The following UBE2H variants were observed in gnomAD, a reference collection of about 807,000 sequenced individuals.
UBE2H encodes ubiquitin conjugating enzyme E2 H.
UBE2H carries 3 observed loss-of-function variants against 29.0 expected under a neutral mutation model. The observed-to-expected ratio is 0.10, with a 90% CI of 0.05 to 0.27. The LOEUF (loss-of-function observed/expected upper bound fraction) is 0.27, where lower values mean the gene tolerates loss of function less well. Ranked by LOEUF, UBE2H falls within the 10% of genes least tolerant of loss-of-function variation. The probability of loss-of-function intolerance (pLI) is 1.00; values close to 1 mark genes in which losing one functional copy is unlikely to be tolerated. For synonymous variants in UBE2H, 69 were observed against 82.9 expected, an observed-to-expected ratio of 0.83 and a Z score of 0.91; for missense variants, 68 against 228.2, an observed-to-expected ratio of 0.30 and a Z score of 4.52.
intron 1 of UBE2H, among the ~76,000 whole-genome samples, chr7:129,942,382 G>A (rs1455740131): frequency 6.6e-6 from 1 of 152,106 alleles, no homozygotes; most frequent in Non-Finnish European, 1.5e-5. Context: ...AGCTACTCAG[G>A]AGGCTGAGGC....
chr7:129,867,724 C>CAAAAAAAAAAAAAA (rs1473451530), intron 3 of UBE2H, among the ~76,000 whole-genome samples: 24 of 31,204 alleles, frequency 7.7e-4, no homozygotes, highest in Non-Finnish European at 9.3e-4. Flanking sequence ...AAAAGAAAAC[C>CAAAAAAAAAAAAAA]AAAAAAAAAA....
intron 5 of UBE2H, among the ~76,000 whole-genome samples, chr7:129,844,888 G>T (rs932565741): frequency 1.3e-5 from 2 of 152,322 alleles, no homozygotes; most frequent in Admixed American, 1.3e-4. Flanking sequence ...TAGCACTTTG[G>T]GAGGCCGAGG....
chr7:129,839,529 G>C (rs1346760913), intron 5 of UBE2H, 194 bp from the exon 6 acceptor site: 22 of 621,176 alleles, frequency 3.5e-5, no homozygotes, highest in Non-Finnish European at 5.3e-5. Context: ...ATTTTAATTT[G>C]AAGAACGAGA....
rs1807905149 is a variant in UBE2H at position 129,952,654 on chromosome 7, G to A, written c.-99C>T. The A allele has an allele frequency of 1.9e-5, 28 of 1,444,300 alleles. No homozygotes were observed. In the South Asian group the frequency reaches 2.9e-4, roughly 15 times the overall value. The allele number at this position is 1,444,300 out of a possible 1,614,324, so 89.5% of individuals were successfully genotyped here. A position where few individuals can be genotyped will look rare whatever the true frequency, so the allele number is the denominator to read the frequency against. On this transcript the variant is annotated 5_prime_UTR_variant, in exon 1 of 7. Coordinates refer to ENST00000355621, the MANE Select transcript of UBE2H (RefSeq NM_003344.4). Reference sequence around the variant, plus strand: ...CGGCCGCGCCGGCTCCTCGGTGGAGGTGGCAACACCCCCGCGGTCCCGGCG... The same window carrying A: ...CGGCCGCGCCGGCTCCTCGGTGGAGATGGCAACACCCCCGCGGTCCCGGCG...
chr7:129,941,859 T>C (rs576030711), intron 1 of UBE2H, among the ~76,000 whole-genome samples: 1 of 152,208 alleles, frequency 6.6e-6, no homozygotes, highest in South Asian at 2.1e-4. Context: ...CAGTGTCCAA[T>C]AACCTATCAA....
intron 6 of UBE2H, among the ~76,000 whole-genome samples, chr7:129,836,565 G>C (rs1369580627): frequency 6.6e-6 from 1 of 152,164 alleles, no homozygotes; most frequent in Non-Finnish European, 1.5e-5. Flanking sequence ...TAAGTGGCTG[G>C]GATGTTTAAA....
intron 2 of UBE2H, among the ~76,000 whole-genome samples, chr7:129,880,383 A>G (rs1806230249): frequency 1.3e-5 from 2 of 152,104 alleles, no homozygotes; most frequent in Non-Finnish European, 2.9e-5. Context: ...GCAGGCACCT[A>G]TAGTCCCAGC....
chr7:129,847,632 T>C (rs1805536101), intron 5 of UBE2H, among the ~76,000 whole-genome samples: 1 of 152,196 alleles, frequency 6.6e-6, no homozygotes, highest in South Asian at 2.1e-4. Context: ...TGAGCTACCA[T>C]GCCCAGCTGA....
At chr7:129,852,392 G>A (rs1034751420) in intron 5 of UBE2H, among the ~76,000 whole-genome samples, 1 of 151,988 alleles carries the variant, frequency 6.6e-6, no homozygotes, top group African/African-American at 2.4e-5. Flanking sequence ...GCGTGAACCC[G>A]GGAGGCGGAG....
chr7:129,908,296 C>T (rs1806860262), intron 1 of UBE2H, among the ~76,000 whole-genome samples: 1 of 152,124 alleles, frequency 6.6e-6, no homozygotes, highest in Admixed American at 6.6e-5. Flanking sequence ...TTGTGTCTCC[C>T]AATCAAGGTT....
rs376853513 is a variant in UBE2H, at chr7:129,940,106, G to A, written c.53+12397C>T. Among the ~76,000 whole-genome samples, 4 of 152,124 alleles carry A rather than the reference G, an allele frequency of 2.6e-5. No individual in the cohort carries two copies. In the South Asian group the frequency reaches 8.3e-4, roughly 32 times the overall value. On this transcript the variant is annotated intron_variant, in intron 1 of 6. Coordinates refer to ENST00000355621, the MANE Select transcript of UBE2H (RefSeq NM_003344.4). ...TTCTGAGGTAACACAAACCAGACAC[G>A]CACTCTGTATCTAGTTTTCTATTTA...
rs150294309 is a variant in UBE2H at position 129,928,712 on chromosome 7, C to T, written c.53+23791G>A. Among the ~76,000 whole-genome samples the T allele has an allele frequency of 2.8e-3, 422 of 152,146 alleles. 1 individual carries two copies. Among genetic ancestry groups the T allele is most frequent in the Non-Finnish European group, 4.4e-3 (297 of 68,010 alleles). On this transcript the variant is annotated intron_variant, in intron 1 of 6. Coordinates refer to ENST00000355621, the MANE Select transcript of UBE2H (RefSeq NM_003344.4). ...AGTGATAAATAAGGTGACAGATATG[C>T]CCAATTTGATCATTACACATTGAAT...
chr7:129,879,534 A>C (rs769057489), intron 3 of UBE2H, 34 bp downstream of exon 3: 1 of 1,580,154 alleles, frequency 6.3e-7, no homozygotes, highest in African/African-American at 1.3e-5. Context: ...AGATTTCAAA[A>C]CTCTCTAAGG....
At chr7:129,877,121 A>C (rs900483738) in intron 3 of UBE2H, among the ~76,000 whole-genome samples, 4 of 152,198 alleles carry the variant, frequency 2.6e-5, no homozygotes, top group African/African-American at 9.7e-5. Flanking sequence ...TGGGTCATTT[A>C]TACAATTAAA....
chr7:129,938,228 T>C (rs895205868), intron 1 of UBE2H, among the ~76,000 whole-genome samples: 3 of 151,522 alleles, frequency 2.0e-5, no homozygotes, highest in Admixed American at 6.6e-5. Flanking sequence ...CTGGGCAACA[T>C]GGCAAAACCC....
intron 1 of UBE2H, among the ~76,000 whole-genome samples, chr7:129,889,074 T>G (rs1331075236): frequency 6.6e-6 from 1 of 152,182 alleles, no homozygotes; most frequent in Non-Finnish European, 1.5e-5. Context: ...CATTTTTATT[T>G]TGATGAGTGG....
intron 1 of UBE2H, among the ~76,000 whole-genome samples, chr7:129,917,053 A>AAC (rs1438977198): frequency 1.3e-5 from 2 of 151,472 alleles, no homozygotes; most frequent in Non-Finnish European, 2.9e-5. Flanking sequence ...AAAAAAAAAA[A>AAC]ACACAGCTGG....
intron 1 of UBE2H, among the ~76,000 whole-genome samples, chr7:129,937,547 A>G (rs1197727433): frequency 1.3e-5 from 2 of 152,186 alleles, no homozygotes; most frequent in Non-Finnish European, 2.9e-5. Flanking sequence ...CGTGGATAAA[A>G]AAGATGAGTG....
intron 1 of UBE2H, among the ~76,000 whole-genome samples, chr7:129,915,874 C>G (rs1807034310): frequency 6.6e-6 from 1 of 152,172 alleles, no homozygotes; most frequent in Admixed American, 6.5e-5. Flanking sequence ...ACAGATCGTT[C>G]TTTCAATCAT....
Sources: gnomAD v4.1 joint callset for allele counts (sites outside exome capture counted in the v4.1 genomes callset) on GRCh38, gnomAD v4.1.1 for gene constraint, MANE v1.5 for transcripts, NCBI Gene and HGNC (gene_info 2026-07-23, HGNC 2026-07-21) for gene names.